The following EREG variants were observed in gnomAD, a reference collection of about 807,000 sequenced individuals.
The protein encoded by EREG is epiregulin.
EREG carries 23 observed loss-of-function variants against 22.4 expected under a neutral mutation model. The observed-to-expected ratio is 1.03, with a 90% CI of 0.74 to 1.46. The LOEUF is 1.46. Ranked by LOEUF, EREG falls within the 40% of genes most tolerant of loss-of-function variation. EREG has a pLI of 0.00. For missense variants in EREG, 226 were observed against 205.9 expected (o/e 1.10, Z -0.60); for synonymous variants, 100 against 75.4 (o/e 1.33, Z -1.69).
intron 1 of EREG, among the ~76,000 whole-genome samples, chr4:74,365,990 C>T (rs1051571649): frequency 1.3e-5 from 2 of 152,102 alleles, no homozygotes; most frequent in Non-Finnish European, 2.9e-5. Context: ...CCGCCCTTCG[C>T]CCCTACACCT....
intron 1 of EREG, among the ~76,000 whole-genome samples, chr4:74,372,974 A>ATT (rs35483998): frequency 0.01 from 635 of 63,128 alleles, no homozygotes; most frequent in African/African-American, 0.021. Flanking sequence ...CATCTGGCTA[A>ATT]TTTTTTTTTT....
rs944977921 is a variant in EREG at position 74,386,119 on chromosome 4, T to C, written c.*1311T>C. 1.0e-5 allele frequency: 3 copies of C among 288,578 alleles called. No individual in the cohort carries two copies. The highest frequency in any genetic ancestry group is 6.5e-5 in the African/African-American group (3 of 46,372). 17.9% of individuals were successfully genotyped at this position (288,578 alleles called of 1,614,324 possible). On this transcript the variant is annotated 3_prime_UTR_variant, in exon 5 of 5. Transcript: ENST00000244869. ...ATAGGTCTCAGAGAGTTAATAGGAG[T>C]ATTTTTGGGCTATTGCATAAGGAGC...
intron 1 of EREG, among the ~76,000 whole-genome samples, chr4:74,370,569 TTATTA>T (rs1752272130): frequency 6.6e-6 from 1 of 152,114 alleles, no homozygotes; most frequent in Non-Finnish European, 1.5e-5. Context: ...TTTTTATCTC[TTATTA>T]TATTATTATA....
chr4:74,387,139 G>T lies in EREG; in HGVS notation c.*2331G>T, dbSNP rs1439118585. 6.6e-6 allele frequency: 1 copy of T among 152,080 alleles called. No homozygotes were observed. Among genetic ancestry groups the T allele is most frequent in the Non-Finnish European group, 1.5e-5 (1 of 68,010 alleles). The allele number at this position is 152,080 out of a possible 1,614,324, so 9.4% of individuals were successfully genotyped here. A position where few individuals can be genotyped will look rare whatever the true frequency, so the allele number is the denominator to read the frequency against. ...TAAAGATGATTTAAGTATACAGGAG[G>T]ATGTGAATAGGTTATATGCAAGCAC... On this transcript the variant is annotated 3_prime_UTR_variant, in exon 5 of 5. Transcript: ENST00000244869.
At position 74,379,509 on chromosome 4, in the gene EREG, G is replaced by T; in HGVS notation, c.129G>T (p.Glu43Asp). The change falls in exon 2 of 5, where the codon GAG becomes GAT. Residue 43 changes from glutamate (E) to aspartate (D), a missense_variant. Transcript: ENST00000244869. Reference sequence around the variant, plus strand: ...TGATTCCATCATGTATCCCAGGAGAGTCCAGTGATAACTGCACAGCTTTAG... The same window carrying T: ...TGATTCCATCATGTATCCCAGGAGATTCCAGTGATAACTGCACAGCTTTAG... ...TTVIPSCIPG[E>D]SSDNCTALVQ... 6.2e-7 allele frequency: 1 copy of T among 1,610,586 alleles called. No individual in the cohort carries two copies. Among genetic ancestry groups the T allele is most frequent in the Non-Finnish European group, 8.5e-7 (1 of 1,176,880 alleles).
rs1253739480 is a variant in EREG at position 74,381,073 on chromosome 4, A to G, written c.214A>G (p.Met72Val). Residue 72 changes from methionine to valine, a missense_variant, in exon 3 of 5, where the codon ATG (methionine) becomes GTG (valine). Transcript: ENST00000244869. ...QVSITKCSSD[M>V]NGYCLHGQCI... Reference sequence around the variant, plus strand: ...GTCAATAACAAAGTGTAGCTCTGACATGAATGGCTATTGTTTGCATGGACA... The same window carrying G: ...GTCAATAACAAAGTGTAGCTCTGACGTGAATGGCTATTGTTTGCATGGACA... 1.9e-6 allele frequency: 3 copies of G among 1,613,770 alleles called. No homozygotes were observed. Among genetic ancestry groups the G allele is most frequent in the Admixed American group, 1.7e-5 (1 of 59,992 alleles).
chr4:74,366,267 A>G (rs1483158149), intron 1 of EREG, among the ~76,000 whole-genome samples: 1 of 152,154 alleles, frequency 6.6e-6, no homozygotes, highest in East Asian at 1.9e-4. Flanking sequence ...AAAAAATAAA[A>G]GTTACCACCA....
chr4:74,376,147 A>G (rs1752379299), intron 1 of EREG, among the ~76,000 whole-genome samples: 1 of 152,244 alleles, frequency 6.6e-6, no homozygotes, highest in South Asian at 2.1e-4. Flanking sequence ...AAACCTTTAA[A>G]AAAGAAGACT....
chr4:74,383,675 T>C (rs1393720691), intron 4 of EREG, among the ~76,000 whole-genome samples: 1 of 152,154 alleles, frequency 6.6e-6, no homozygotes, highest in African/African-American at 2.4e-5. Context: ...TGAATTTACG[T>C]TTTTATTTTT....
intron 1 of EREG, among the ~76,000 whole-genome samples, chr4:74,370,319 A>G (rs1316267006): frequency 2.0e-5 from 3 of 152,108 alleles, no homozygotes; most frequent in Non-Finnish European, 4.4e-5. Context: ...TTCTATTGTG[A>G]TAGGCTTATA....
chr4:74,371,667 C>T (rs576060289), intron 1 of EREG, among the ~76,000 whole-genome samples: 1 of 152,266 alleles, frequency 6.6e-6, no homozygotes, highest in South Asian at 2.1e-4. Context: ...AAATAGACTT[C>T]TCCTAATCTC....
chr4:74,372,021 G>A (rs1246166234), intron 1 of EREG, among the ~76,000 whole-genome samples: 2 of 152,072 alleles, frequency 1.3e-5, no homozygotes, highest in African/African-American at 4.8e-5. Context: ...TGTAGACAAC[G>A]CTCAATAGAT....
At chr4:74,376,209 T>C (rs531447148) in intron 1 of EREG, among the ~76,000 whole-genome samples, 8 of 152,160 alleles carry the variant, frequency 5.3e-5, no homozygotes, top group African/African-American at 7.2e-5. Context: ...CAGGTTGCAA[T>C]TGGAGGCAAT....
chr4:74,375,306 CTTTTTTTTTTTT>C (rs71219383), intron 1 of EREG, among the ~76,000 whole-genome samples: 4 of 61,052 alleles, frequency 6.6e-5, no homozygotes, highest in Admixed American at 2.9e-4. Flanking sequence ...ACTAGCGATT[CTTTTTTTTTTTT>C]TTTTTTTTTT....
chr4:74,369,733 A>C (rs1253756313), intron 1 of EREG, among the ~76,000 whole-genome samples: 1 of 152,152 alleles, frequency 6.6e-6, no homozygotes, highest in Non-Finnish European at 1.5e-5. Flanking sequence ...CATAGTGTAT[A>C]GTGTATAAAA....
chr4:74,370,635 G>C (rs1450716054), intron 1 of EREG, among the ~76,000 whole-genome samples: 2 of 152,056 alleles, frequency 1.3e-5, no homozygotes, highest in Non-Finnish European at 2.9e-5. Context: ...GTGAGAGAGA[G>C]AGATAGAGAG....
intron 1 of EREG, among the ~76,000 whole-genome samples, chr4:74,377,171 A>AC (rs1443698724): frequency 6.6e-6 from 1 of 152,068 alleles, no homozygotes; most frequent in African/African-American, 2.4e-5. Context: ...AAAAAAAAAA[A>AC]AAAACATTAG....
chr4:74,384,799 GC>G lies in EREG; in HGVS notation c.502del (p.Gln168LysfsTer13). 6.2e-7 allele frequency: 1 copy of G among 1,609,884 alleles called. No homozygotes were observed. The highest frequency in any genetic ancestry group is 8.5e-7 in the Non-Finnish European group (1 of 1,176,520). On this transcript the variant is annotated frameshift_variant, in exon 5 of 5. Coordinates refer to ENST00000244869, the MANE Select transcript of EREG (RefSeq NM_001432.3). LOFTEE classifies it high-confidence loss of function. ...RVTSGDPELP[Q>X]V is the part of the protein sequence containing the mutation. ...TTACCTCAGGGGATCCAGAGTTGCC[GC>G]AAGTCTGAATGGCGCCATCAAACTT...
chr4:74,385,774 C>A lies in EREG; in HGVS notation c.*966C>A. ...TTTAAAATATATGAAGACAATAATT[C>A]TACATGTTGTCTTAAGATGGAAATA... On this transcript the variant is annotated 3_prime_UTR_variant, in exon 5 of 5. Coordinates refer to ENST00000244869, the MANE Select transcript of EREG (RefSeq NM_001432.3). 2.6e-6 allele frequency: 1 copy of A among 390,442 alleles called. No individual in the cohort carries two copies. Among genetic ancestry groups the A allele is most frequent in the South Asian group, 1.3e-4 (1 of 7,660 alleles). 24.2% of individuals were successfully genotyped at this position (390,442 alleles called of 1,614,324 possible). A position where few individuals can be genotyped will look rare whatever the true frequency, so the allele number is the denominator to read the frequency against.
Sources: gnomAD v4.1 joint callset for allele counts (sites outside exome capture counted in the v4.1 genomes callset) on GRCh38, gnomAD v4.1.1 for gene constraint, MANE v1.5 for transcripts, NCBI Gene and HGNC (gene_info 2026-07-23, HGNC 2026-07-21) for gene names.